The following ADGRV1 variants were observed in gnomAD, a reference collection of about 807,000 sequenced individuals.
The protein encoded by ADGRV1 is G-protein coupled receptor 98.
Under a neutral mutation model 596.2 loss-of-function variants are expected in ADGRV1, and 359 were observed. The observed-to-expected ratio is 0.60, with a 90% CI of 0.55 to 0.66. ADGRV1 has a LOEUF of 0.66. ADGRV1 is among the 30% of genes least tolerant of loss of function. ADGRV1 has a pLI of 0.00. For synonymous variants in ADGRV1, 2,681 were observed against 2,679.2 expected (o/e 1.00, Z -0.02); for missense variants, 7,274 against 7,575.6 (o/e 0.96, Z 1.48).
chr5:90,587,105 G>T (rs971362802), intron 1 of ADGRV1, among the ~76,000 whole-genome samples: 2 of 152,036 alleles, frequency 1.3e-5, no homozygotes, highest in African/African-American at 4.8e-5. Flanking sequence ...TCATCCCTAT[G>T]AACATATGGA....
intron 83 of ADGRV1, among the ~76,000 whole-genome samples, chr5:90,877,873 T>C (rs1019102950): frequency 2.0e-5 from 3 of 152,074 alleles, no homozygotes; most frequent in African/African-American, 7.2e-5. Flanking sequence ...TTACATGCCC[T>C]TTCGTGAAAT....
chr5:90,877,001 T>C (rs1050087580), intron 83 of ADGRV1, among the ~76,000 whole-genome samples: 1 of 152,162 alleles, frequency 6.6e-6, no homozygotes, highest in Non-Finnish European at 1.5e-5. Flanking sequence ...TACAGTAGAA[T>C]GGTGTAAGCA....
At chr5:91,011,443 C>T (rs1018499054) in intron 85 of ADGRV1, among the ~76,000 whole-genome samples, 4 of 151,840 alleles carry the variant, frequency 2.6e-5, no homozygotes, top group African/African-American at 9.7e-5. Context: ...CTTATTTAGT[C>T]ATCTTCACCC....
intron 85 of ADGRV1, among the ~76,000 whole-genome samples, chr5:90,999,690 T>G (rs1168625941): frequency 6.6e-6 from 1 of 152,118 alleles, no homozygotes; most frequent in African/African-American, 2.4e-5. Flanking sequence ...AATGCAAAGT[T>G]TTTTTCAGTA....
chr5:91,004,920 C>T (rs944764835), intron 85 of ADGRV1, among the ~76,000 whole-genome samples: 3 of 152,060 alleles, frequency 2.0e-5, no homozygotes, highest in Non-Finnish European at 4.4e-5. Context: ...CCTGGAGAAT[C>T]GACTGGGAGA....
intron 1 of ADGRV1, among the ~76,000 whole-genome samples, chr5:90,580,806 C>T (rs1416315289): frequency 6.6e-6 from 1 of 150,526 alleles, no homozygotes; most frequent in Non-Finnish European, 1.5e-5. Flanking sequence ...CTCTGTGTTT[C>T]CTGTTGGGGA....
At chr5:91,148,729 C>T (rs1312401738) in intron 87 of ADGRV1, among the ~76,000 whole-genome samples, 1 of 152,104 alleles carries the variant, frequency 6.6e-6, no homozygotes, top group Non-Finnish European at 1.5e-5. Flanking sequence ...ATGGTTTATC[C>T]ACAAACAGCA....
In ADGRV1 at chr5:90,690,886, G is replaced by A. The variant is rs568119384; in HGVS notation, c.6796G>A (p.Gly2266Ser). Residue 2266 changes from glycine to serine, a missense_variant, in exon 31 of 90, where the codon GGC (glycine) becomes AGC (serine). Physicochemically the swap from Gly to Ser is moderately conservative, Grantham distance 56 (BLOSUM62 0). This residue lies in a region of ADGRV1 where 3,643 missense variants were observed against 3,809.2 expected (regional missense o/e 0.96). Transcript: ENST00000405460. The stretch of plus-strand genomic sequence containing the variant: ...AATAATTCGAAATTCTGGGACACTC[G>A]GCAATGTTACTGTTCAGTGGGTTGC... ...LPIIRNSGTL[G>S]NVTVQWVATI... 3 of 1,613,348 alleles carry A rather than the reference G, an allele frequency of 1.9e-6. No individual in the cohort carries two copies. Among genetic ancestry groups the A allele is most frequent in the South Asian group, 1.1e-5 (1 of 91,022 alleles).
intron 17 of ADGRV1, among the ~76,000 whole-genome samples, chr5:90,649,769 G>C (rs1219623005): frequency 6.6e-6 from 1 of 152,210 alleles, no homozygotes; most frequent in Non-Finnish European, 1.5e-5. Flanking sequence ...GATTACAGGC[G>C]TGAGCCACCG....
chr5:90,692,855 G>C (rs1561539008), intron 32 of ADGRV1, 69 bp downstream of exon 32: 3 of 1,197,270 alleles, frequency 2.5e-6, no homozygotes, highest in Non-Finnish European at 3.4e-6. Context: ...AGGATCCCTT[G>C]CACAGTTAAA....
chr5:91,043,749 G>T (rs1581881988), intron 85 of ADGRV1, among the ~76,000 whole-genome samples: 1 of 151,756 alleles, frequency 6.6e-6, no homozygotes, highest in Non-Finnish European at 1.5e-5. Flanking sequence ...CTTATCTCAA[G>T]GATTTGCATT....
At chr5:90,824,323 C>G in intron 76 of ADGRV1, among the ~76,000 whole-genome samples, 1 of 152,002 alleles carries the variant, frequency 6.6e-6, no homozygotes. Flanking sequence ...TGATTTTTTC[C>G]CTGATGTAAG....
rs769226492 is a variant in ADGRV1, at chr5:91,054,071, T to TTGTGTG, written c.18153-18349_18153-18344dup. 3.7e-3 allele frequency among the ~76,000 whole-genome samples: 489 copies of TTGTGTG among 133,110 alleles called. 2 individuals carry two copies. Among genetic ancestry groups the TTGTGTG allele is most frequent in the African/African-American group, 0.013 (447 of 34,482 alleles). 87.3% of individuals were successfully genotyped at this position (133,110 alleles called of 152,430 possible). On this transcript the variant is annotated intron_variant, in intron 85 of 89. Coordinates refer to ENST00000405460, the MANE Select transcript of ADGRV1 (RefSeq NM_032119.4). ...TTCATTTCAACTACTCTGTGTGTGT[T>TTGTGTG]TGTGTGTGTGTGTGTGTGTGTGTGT...
At position 90,710,998 on chromosome 5, in the gene ADGRV1, G is replaced by C. The variant is rs369777874; in HGVS notation, c.8842G>C (p.Ala2948Pro). ...PPRLDSEGLT[A>P]QVIIDANDGA... is the part of the protein sequence containing the mutation. Reference sequence around the variant, plus strand: ...TTTTTAAGATTCAGAAGGTTTGACTGCACAAGTTATTATTGATGCCAATGA... The same window carrying C: ...TTTTTAAGATTCAGAAGGTTTGACTCCACAAGTTATTATTGATGCCAATGA... Residue 2948 changes from alanine (A) to proline (P), a missense_variant, in exon 40 of 90, where the codon GCA (alanine) becomes CCA (proline). By Grantham distance (27) the Ala-to-Pro change is conservative. Around this residue, in one of 5 missense-constraint regions of ADGRV1, gnomAD observed 3,643 missense variants for 3,809.2 expected, o/e 0.96. Coordinates refer to ENST00000405460, the MANE Select transcript of ADGRV1 (RefSeq NM_032119.4). The C allele has an allele frequency of 1.9e-6, 3 of 1,607,742 alleles. No individual in the cohort carries two copies. The highest frequency in any genetic ancestry group is 2.6e-6 in the Non-Finnish European group (3 of 1,175,498).
At chr5:90,692,834 G>C in intron 32 of ADGRV1, 48 bp downstream of exon 32, 4 of 1,434,144 alleles carry the variant, frequency 2.8e-6, no homozygotes, top group Non-Finnish European at 3.8e-6. Flanking sequence ...AGAATTGTGG[G>C]GTGGTGGGGA....
At chr5:90,886,554 G>A (rs1016744372) in intron 83 of ADGRV1, among the ~76,000 whole-genome samples, 1 of 152,028 alleles carries the variant, frequency 6.6e-6, no homozygotes, top group African/African-American at 2.4e-5. Context: ...ATTAGCCATA[G>A]CGTTAAGCTT....
In ADGRV1 at chr5:90,794,922, G is replaced by A. The variant is rs115100396; in HGVS notation, c.14517+3576G>A. On this transcript the variant is annotated intron_variant, in intron 70 of 89. Coordinates refer to ENST00000405460, the MANE Select transcript of ADGRV1 (RefSeq NM_032119.4). ...TACCCAAGGGAAGCCATGAGGGACT[G>A]AGCCTGAAGAACCATGCATTCTGGC... Among the ~76,000 whole-genome samples, 330 of 152,006 alleles carry A rather than the reference G, an allele frequency of 2.2e-3. 6 individuals carry two copies. The East Asian group carries it at 0.042, about 19-fold the overall frequency.
chr5:90,726,653 ATGTGTGTGTG>A (rs55927110), intron 48 of ADGRV1, among the ~76,000 whole-genome samples: 1 of 147,598 alleles, frequency 6.8e-6, no homozygotes, highest in African/African-American at 2.5e-5. Context: ...CTCTCTGGGT[ATGTGTGTGTG>A]TGTGTGTGTG....
chr5:91,110,586 G>A (rs1792279476), intron 87 of ADGRV1, among the ~76,000 whole-genome samples: 1 of 152,154 alleles, frequency 6.6e-6, no homozygotes, highest in South Asian at 2.1e-4. Context: ...TCTTCTAGGA[G>A]TTCTCTCACA....
Sources: gnomAD v4.1 joint callset for allele counts (sites outside exome capture counted in the v4.1 genomes callset) on GRCh38, gnomAD v4.1.1 for gene constraint, gnomAD v4.1.1 regional missense constraint, MANE v1.5 for transcripts, NCBI Gene and HGNC (gene_info 2026-07-23, HGNC 2026-07-21) for gene names.